Variants in ELP4 observed in about 807,000 individuals in gnomAD.
ELP4 encodes the protein elongator complex protein 4.
ELP4 carries 51 observed loss-of-function variants against 48.9 expected under a neutral mutation model. That is an observed-to-expected ratio of 1.04 (90% confidence interval 0.83 to 1.32). The LOEUF (loss-of-function observed/expected upper bound fraction) is 1.32. ELP4 is among the 40% of genes most tolerant of loss of function. The pLI is 0.00. For missense variants in ELP4, 519 were observed against 514.6 expected, an observed-to-expected ratio of 1.01 and a Z score of -0.08; for synonymous variants, 210 against 189.2, an observed-to-expected ratio of 1.11 and a Z score of -0.90.
Position 31,775,673 on chromosome 11 carries a change from A to G in ELP4, c.1144-7720A>G, listed in dbSNP as rs147363568. On this transcript the variant is annotated intron_variant, in intron 9 of 9. Transcript: ENST00000640961. Reference sequence around the variant, plus strand: ...AACATAGTGTGACCCTATCTCTACAAAAAAGCTTAAAGGCCAGGTGCGATG... The same window carrying G: ...AACATAGTGTGACCCTATCTCTACAGAAAAGCTTAAAGGCCAGGTGCGATG... Among the ~76,000 whole-genome samples the G allele has an allele frequency of 2.3e-4, 35 of 152,182 alleles. No individual in the cohort carries two copies. The East Asian group carries it at 6.8e-3, about 29-fold the overall frequency.
intron 9 of ELP4, among the ~76,000 whole-genome samples, chr11:31,765,832 TTTA>T (rs1948029615): frequency 6.6e-6 from 1 of 152,112 alleles, no homozygotes; most frequent in South Asian, 2.1e-4. Context: ...TTTAAAAACA[TTTA>T]TTAAGAAATA....
chr11:31,649,349 G>A (rs1945273834), intron 8 of ELP4: 2 of 151,606 alleles, frequency 1.3e-5, no homozygotes, highest in Admixed American at 1.3e-4. Flanking sequence ...GCAGAAAGAT[G>A]TAGTGAAGAA....
At chr11:31,704,521 A>G (rs1475797857) in intron 9 of ELP4, among the ~76,000 whole-genome samples, 1 of 152,110 alleles carries the variant, frequency 6.6e-6, no homozygotes, top group Non-Finnish European at 1.5e-5. Flanking sequence ...AAGCATTAGG[A>G]GATATACCCA....
chr11:31,544,761 G>A (rs1956667898), intron 3 of ELP4, among the ~76,000 whole-genome samples: 1 of 152,192 alleles, frequency 6.6e-6, no homozygotes, highest in South Asian at 2.1e-4. Context: ...CCCAGTAGGG[G>A]CAGACTGACA....
At chr11:31,629,827 T>C (rs1231823946) in intron 6 of ELP4, among the ~76,000 whole-genome samples, 1 of 151,360 alleles carries the variant, frequency 6.6e-6, no homozygotes, top group Non-Finnish European at 1.5e-5. Context: ...GTTGGGAATC[T>C]AACATGTTTG....
intron 9 of ELP4, among the ~76,000 whole-genome samples, chr11:31,698,949 A>G (rs936943595): frequency 1.3e-5 from 2 of 152,210 alleles, no homozygotes; most frequent in African/African-American, 4.8e-5. Context: ...ACATTGCTTG[A>G]AATTTGAAAG....
chr11:31,617,572 T>C (rs555762612), intron 5 of ELP4, among the ~76,000 whole-genome samples: 3 of 151,984 alleles, frequency 2.0e-5, no homozygotes, highest in Non-Finnish European at 4.4e-5. Flanking sequence ...AATTTTATGT[T>C]ATATGGGTTT....
At chr11:31,587,642 A>C (rs1957499492) in intron 3 of ELP4, among the ~76,000 whole-genome samples, 1 of 152,068 alleles carries the variant, frequency 6.6e-6, no homozygotes, top group Non-Finnish European at 1.5e-5. Context: ...TTTTTTCTAT[A>C]AAGTGTTAAT....
At chr11:31,698,917 T>C (rs1946465912) in intron 9 of ELP4, among the ~76,000 whole-genome samples, 1 of 152,090 alleles carries the variant, frequency 6.6e-6, no homozygotes, top group Non-Finnish European at 1.5e-5. Context: ...AATTTGTTCA[T>C]CAAAGCCTGC....
intron 9 of ELP4, among the ~76,000 whole-genome samples, chr11:31,743,559 A>G (rs1947508355): frequency 6.6e-6 from 1 of 152,258 alleles, no homozygotes; most frequent in Non-Finnish European, 1.5e-5. Context: ...CTCAGACCAC[A>G]GTGCAATAAA....
intron 9 of ELP4, among the ~76,000 whole-genome samples, chr11:31,775,166 A>G (rs1036150915): frequency 6.6e-6 from 1 of 152,214 alleles, no homozygotes; most frequent in East Asian, 1.9e-4. Flanking sequence ...TAAGCCAACA[A>G]ACTATTAAAT....
intron 2 of ELP4, among the ~76,000 whole-genome samples, chr11:31,523,682 A>C (rs1203078521): frequency 6.6e-6 from 1 of 152,238 alleles, no homozygotes; most frequent in Non-Finnish European, 1.5e-5. Context: ...CCCACTGTGT[A>C]CTTTAAAAAT....
chr11:31,748,814 G>A (rs1485146289), intron 9 of ELP4, among the ~76,000 whole-genome samples: 1 of 152,014 alleles, frequency 6.6e-6, no homozygotes, highest in Non-Finnish European at 1.5e-5. Context: ...GACCAGCCTG[G>A]TGGACATAGC....
chr11:31,782,319 T>TC (rs547063215), intron 9 of ELP4, among the ~76,000 whole-genome samples: 3 of 152,144 alleles, frequency 2.0e-5, no homozygotes, highest in South Asian at 4.2e-4. Context: ...CATCTGTTTT[T>TC]CCCCCCCATA....
At chr11:31,685,172 G>A (rs1946134627) in intron 9 of ELP4, among the ~76,000 whole-genome samples, 1 of 148,498 alleles carries the variant, frequency 6.7e-6, no homozygotes, top group Non-Finnish European at 1.5e-5. Flanking sequence ...CCAACATGGT[G>A]AAACCCTGTC....
At chr11:31,538,550 C>A (rs749056457) in intron 2 of ELP4, among the ~76,000 whole-genome samples, 2 of 150,798 alleles carry the variant, frequency 1.3e-5, no homozygotes, top group Non-Finnish European at 3.0e-5. Flanking sequence ...TTTTCCCGAT[C>A]TCAGAAGAAA....
rs775476098 is a variant in ELP4 at position 31,539,743 on chromosome 11, T to A, written c.341T>A (p.Leu114Ter). The A allele has an allele frequency of 8.1e-6, 13 of 1,612,210 alleles. No individual in the cohort carries two copies. The highest frequency in any genetic ancestry group is 8.5e-6 in the Non-Finnish European group (10 of 1,179,204). The part of the protein sequence containing the change: ...AEGIVNGHTL[L>*]VASAKEDPAN... ...GGAATTGTCAATGGGCATACTTTGT[T>A]GGTTGCATCTGCTAAAGAGGATCCT... The change falls in exon 3 of 10, where the codon TTG becomes TAG. Residue 114 changes from leucine to a stop codon, truncating the protein, a stop_gained. Coordinates refer to ENST00000640961, the MANE Select transcript of ELP4 (RefSeq NM_019040.5). LOFTEE classifies it high-confidence loss of function.
intron 3 of ELP4, among the ~76,000 whole-genome samples, chr11:31,572,955 C>T (rs958287342): frequency 6.6e-6 from 1 of 152,122 alleles, no homozygotes; most frequent in African/African-American, 2.4e-5. Context: ...CTGCAGTGAG[C>T]TGTGTTTGCA....
intron 9 of ELP4, among the ~76,000 whole-genome samples, chr11:31,768,638 A>G (rs2134265484): frequency 6.6e-6 from 1 of 152,356 alleles, no homozygotes; most frequent in Non-Finnish European, 1.5e-5. Context: ...CATACCAGGT[A>G]GACTTTGTCA....
Sources: allele counts gnomAD v4.1 joint callset (sites outside exome capture counted in the v4.1 genomes callset), GRCh38; gene constraint gnomAD v4.1.1; transcripts MANE v1.5; gene names NCBI Gene and HGNC (gene_info 2026-07-23, HGNC 2026-07-21).